The following LRRIQ3 variants were observed in gnomAD, a reference collection of about 807,000 sequenced individuals.
The protein encoded by LRRIQ3 is leucine rich repeats and IQ motif containing 3, also known as leucine-rich repeat and IQ domain-containing protein 3.
In LRRIQ3, 75 loss-of-function variants were observed where a neutral mutation model predicts 59.3. The ratio of observed to expected loss-of-function variants is 1.26; its 90% CI spans 1.05 to 1.53. The LOEUF (loss-of-function observed/expected upper bound fraction) is 1.53. Ranked by LOEUF, LRRIQ3 falls within the 40% of genes most tolerant of loss-of-function variation. The pLI is 0.00. For missense variants in LRRIQ3, 831 were observed against 710.0 expected (o/e 1.17, Z -1.94); for synonymous variants, 250 against 231.3 (o/e 1.08, Z -0.73).
At position 74,092,956 on chromosome 1, in the gene LRRIQ3, A is replaced by C. The variant is rs114483966; in HGVS notation, c.867+16438T>G. Among the ~76,000 whole-genome samples the C allele has an allele frequency of 1.4e-3, 213 of 152,196 alleles. 6 individuals are homozygous for C. Among genetic ancestry groups the C allele is most frequent in the Non-Finnish European group, 1.4e-3 (94 of 67,988 alleles). On this transcript the variant is annotated intron_variant, in intron 5 of 7. Coordinates refer to ENST00000354431, the MANE Select transcript of LRRIQ3 (RefSeq NM_001105659.2). ...AAGTTCACCTATGGTCACTATCGTTAATTTGGAAGAGAGGAAAATGAGTAG... is the reference window on the plus strand; with the variant it reads ...AAGTTCACCTATGGTCACTATCGTTCATTTGGAAGAGAGGAAAATGAGTAG...
intron 6 of LRRIQ3, among the ~76,000 whole-genome samples, chr1:74,052,570 T>C (rs769203740): frequency 1.6e-4 from 24 of 152,156 alleles, no homozygotes; most frequent in Admixed American, 1.5e-3. Flanking sequence ...TCGATAATGG[T>C]AGACATCTCT....
rs984966858 is a variant in LRRIQ3, at chr1:74,041,929, C to A, written c.1002G>T (p.Gln334His). Residue 334 changes from glutamine (Q) to histidine (H), a missense_variant, in exon 7 of 8, where the codon CAG (glutamine) becomes CAT (histidine). By Grantham distance (24) the Gln-to-His change is conservative (BLOSUM62 0). Transcript: ENST00000354431. The stretch of plus-strand genomic sequence containing the variant: ...CATCCACAATTTCATCTTCAGACTC[C>A]TGACCTACATCAAACAGAAGCAAAT... ...KTSRHLIQKG[Q>H]ESEDEIVDEK... 9 of 1,595,172 alleles carry A rather than the reference C, an allele frequency of 5.6e-6. No homozygotes were observed. In the African/African-American group the frequency reaches 1.1e-4, roughly 19 times the overall value.
Position 74,183,498 on chromosome 1 carries a change from TA to T in LRRIQ3, c.186del (p.Thr63GlnfsTer10). 1 of 1,610,728 alleles carries T rather than the reference TA, an allele frequency of 6.2e-7. No individual in the cohort carries two copies. Among genetic ancestry groups the T allele is most frequent in the South Asian group, 1.1e-5 (1 of 90,706 alleles). On this transcript the variant is annotated frameshift_variant, in exon 2 of 8. Transcript: ENST00000354431. LOFTEE classifies it high-confidence loss of function. The part of the protein sequence containing the change: ...LRVCIFSNNF[I>X]TDIHPLQSCI... ...CAACTTTGAAGTGGATGAATATCTG[TA>T]ATAAAATTGTTTGAGAAGATGCATA... is the stretch of plus-strand genomic sequence containing the variant.
chr1:74,091,574 G>C (rs1646394956), intron 5 of LRRIQ3, among the ~76,000 whole-genome samples: 1 of 151,876 alleles, frequency 6.6e-6, no homozygotes, highest in Non-Finnish European at 1.5e-5. Context: ...AAAAATTTCA[G>C]AAAGCATCAA....
Position 74,026,810 on chromosome 1 carries a change from G to A in LRRIQ3, c.*3C>T, listed in dbSNP as rs749136864. 19 of 1,594,832 alleles carry A rather than the reference G, an allele frequency of 1.2e-5. No homozygotes were observed. Among genetic ancestry groups the A allele is most frequent in the Non-Finnish European group, 1.5e-5 (18 of 1,172,772 alleles). ...TGATCATAGGATGTGATCTGGCATTGATTCATTTTATCAGTCCATTGGGAA... is the reference window on the plus strand; with the variant it reads ...TGATCATAGGATGTGATCTGGCATTAATTCATTTTATCAGTCCATTGGGAA... On this transcript the variant is annotated 3_prime_UTR_variant, in exon 8 of 8. Coordinates refer to ENST00000354431, the MANE Select transcript of LRRIQ3 (RefSeq NM_001105659.2).
In LRRIQ3 at chr1:74,105,835, T is replaced by C. The variant is rs1046086883; in HGVS notation, c.867+3559A>G. Among the ~76,000 whole-genome samples the C allele has an allele frequency of 2.6e-5, 4 of 152,040 alleles. No homozygotes were observed. In the South Asian group the frequency reaches 8.3e-4, roughly 32 times the overall value. Reference sequence around the variant, plus strand: ...TCTTTGGAAGCAAAGCAAAAGTAAATAAAAATATTCTAGAATTCAAGCAAA... The same window carrying C: ...TCTTTGGAAGCAAAGCAAAAGTAAACAAAAATATTCTAGAATTCAAGCAAA... On this transcript the variant is annotated intron_variant, in intron 5 of 7. Coordinates refer to ENST00000354431, the MANE Select transcript of LRRIQ3 (RefSeq NM_001105659.2).
At chr1:74,146,435 G>C (rs12410230) in intron 4 of LRRIQ3, among the ~76,000 whole-genome samples, 46,094 of 151,890 alleles carry the variant, frequency 0.3, 7,760 homozygotes, top group Middle Eastern at 0.45. Context: ...TGTGTCTTCA[G>C]GACCCAGAAA....
chr1:74,040,678 C>T (rs948895595), intron 7 of LRRIQ3, among the ~76,000 whole-genome samples: 2 of 152,146 alleles, frequency 1.3e-5, no homozygotes, highest in Non-Finnish European at 2.9e-5. Context: ...GAACAACATG[C>T]TCCTGAATGA....
At chr1:74,118,776 T>C (rs1381352095) in intron 4 of LRRIQ3, among the ~76,000 whole-genome samples, 3 of 152,114 alleles carry the variant, frequency 2.0e-5, no homozygotes, top group Admixed American at 2.0e-4. Flanking sequence ...CTGAAATCTG[T>C]AGGGCAGGCC....
chr1:74,167,063 T>C (rs575431554), intron 3 of LRRIQ3, among the ~76,000 whole-genome samples: 1 of 152,006 alleles, frequency 6.6e-6, no homozygotes, highest in Admixed American at 6.6e-5. Flanking sequence ...TAACTAAAAG[T>C]AGATCTACCA....
intron 3 of LRRIQ3, among the ~76,000 whole-genome samples, chr1:74,176,828 G>C (rs941334614): frequency 6.6e-6 from 1 of 152,000 alleles, no homozygotes. Context: ...GGTTAGTAAG[G>C]GCTTATAACT....
intron 3 of LRRIQ3, among the ~76,000 whole-genome samples, chr1:74,163,098 T>C (rs564471562): frequency 6.6e-6 from 1 of 151,562 alleles, no homozygotes; most frequent in Non-Finnish European, 1.5e-5. Context: ...ACACCATGAA[T>C]GCCATAAATA....
At chr1:74,055,109 C>G (rs1384228090) in intron 6 of LRRIQ3, among the ~76,000 whole-genome samples, 2 of 146,862 alleles carry the variant, frequency 1.4e-5, no homozygotes, top group Non-Finnish European at 3.0e-5. Flanking sequence ...AATAACACAA[C>G]CATCATGACA....
At chr1:74,099,355 G>T (rs1253864348) in intron 5 of LRRIQ3, among the ~76,000 whole-genome samples, 2 of 152,086 alleles carry the variant, frequency 1.3e-5, no homozygotes, top group Non-Finnish European at 2.9e-5. Flanking sequence ...GACTAAACCA[G>T]GAAGAAGCTG....
rs747774206 is a variant in LRRIQ3 at position 74,182,760 on chromosome 1, T to C, written c.351A>G (p.Val117=). The C allele has an allele frequency of 6.2e-7, 1 of 1,612,058 alleles. No individual in the cohort carries two copies. Among genetic ancestry groups the C allele is most frequent in the East Asian group, 2.2e-5 (1 of 44,776 alleles). The change falls in exon 3 of 8, where the codon GTA becomes GTG. Residue 117 remains valine (V), a synonymous_variant. Transcript: ENST00000354431. ...CAATGAGGGTTGGACAGGCAGATAA[T>C]ACACATATATTCTTTAACTTTGCAA... ...NGFAKLKNIC[V]LSACPTLIAL... is the part of the protein sequence containing the mutation.
intron 3 of LRRIQ3, among the ~76,000 whole-genome samples, chr1:74,173,361 C>A (rs566828214): frequency 6.2e-4 from 93 of 150,404 alleles, no homozygotes; most frequent in Non-Finnish European, 1.2e-3. Context: ...AATCCATTTA[C>A]ACTTAAAATA....
chr1:74,154,279 A>AAAAAT (rs1648187710), intron 4 of LRRIQ3, among the ~76,000 whole-genome samples: 2 of 132,446 alleles, frequency 1.5e-5, no homozygotes, highest in African/African-American at 2.9e-5. Context: ...AAAAAAAAAA[A>AAAAAT]TGTAATATCT....
chr1:74,054,079 T>C (rs1023712087), intron 6 of LRRIQ3, among the ~76,000 whole-genome samples: 4 of 152,198 alleles, frequency 2.6e-5, no homozygotes, highest in South Asian at 4.1e-4. Context: ...TGGATATTTA[T>C]ATTTAATAGC....
At chr1:74,158,287 TATC>T (rs1213770465) in intron 3 of LRRIQ3, among the ~76,000 whole-genome samples, 1 of 152,138 alleles carries the variant, frequency 6.6e-6, no homozygotes, top group African/African-American at 2.4e-5. Context: ...ATGTAAATCT[TATC>T]ATATGACATT....
Sources: gnomAD v4.1 joint callset for allele counts (sites outside exome capture counted in the v4.1 genomes callset) on GRCh38, gnomAD v4.1.1 for gene constraint, MANE v1.5 for transcripts, NCBI Gene and HGNC (gene_info 2026-07-23, HGNC 2026-07-21) for gene names.